NBEAL1: variants seen among roughly 807,000 people sequenced by gnomAD.
The protein encoded by NBEAL1 is neurobeachin like 1, also known as neurobeachin-like protein 1.
In NBEAL1, 273 loss-of-function variants were observed where a neutral mutation model predicts 351.3. The ratio of observed to expected loss-of-function variants is 0.78; its 90% CI spans 0.70 to 0.86. NBEAL1 has a LOEUF of 0.86. NBEAL1 is among the 40% of genes least tolerant of loss of function. The pLI, the probability that NBEAL1 is intolerant of heterozygous loss-of-function variation, is 0.00. For missense variants in NBEAL1, 2,961 were observed against 3,201.3 expected, an observed-to-expected ratio of 0.92 and a Z score of 1.81; for synonymous variants, 1,050 against 1,086.4, an observed-to-expected ratio of 0.97 and a Z score of 0.66.
intron 6 of NBEAL1, 128 bp downstream of exon 6, chr2:203,057,581 G>A: frequency 2.9e-6 from 2 of 688,932 alleles, no homozygotes; most frequent in Non-Finnish European, 4.6e-6. Context: ...TTAACTCTGA[G>A]CTAGAGAAAT....
Position 203,172,291 on chromosome 2 carries a change from C to T in NBEAL1, c.6198+268C>T, listed in dbSNP as rs12999611. Among the ~76,000 whole-genome samples the T allele has an allele frequency of 5.4e-3, 819 of 152,094 alleles. 12 individuals are homozygous for T. The highest frequency in any genetic ancestry group is 0.019 in the African/African-American group (772 of 41,488). ...ATCCCAGCACTTTGGGAAGCCAAGGCGGGTGGATCACCTGAGGTCAGGAGT... is the reference window on the plus strand; with the variant it reads ...ATCCCAGCACTTTGGGAAGCCAAGGTGGGTGGATCACCTGAGGTCAGGAGT... On this transcript the variant is annotated intron_variant, in intron 40 of 55. Coordinates refer to ENST00000683969, the MANE Select transcript of NBEAL1 (RefSeq NM_001378026.1).
chr2:203,037,890 G>A (rs2061064771), intron 2 of NBEAL1, among the ~76,000 whole-genome samples: 2 of 149,196 alleles, frequency 1.3e-5, no homozygotes, highest in South Asian at 4.2e-4. Context: ...AGGAGTTTGA[G>A]GCCATAGTGA....
intron 31 of NBEAL1, 80 bp from the exon 32 acceptor site, chr2:203,144,520 C>A: frequency 1.5e-6 from 2 of 1,352,432 alleles, no homozygotes; most frequent in Non-Finnish European, 2.0e-6. Flanking sequence ...ATTCTGAATC[C>A]ACAGAGCCAG....
At chr2:203,058,588 A>T (rs919007771) in intron 6 of NBEAL1, among the ~76,000 whole-genome samples, 3 of 152,216 alleles carry the variant, frequency 2.0e-5, no homozygotes, top group Non-Finnish European at 4.4e-5. Flanking sequence ...CAAGAGGCTC[A>T]TTCTGGGATT....
At chr2:203,059,671 A>G (rs901815069) in intron 6 of NBEAL1, among the ~76,000 whole-genome samples, 2 of 152,224 alleles carry the variant, frequency 1.3e-5, no homozygotes, top group South Asian at 4.1e-4. Context: ...GTTGTCAGTT[A>G]GTGCCGTGAC....
At chr2:203,129,703 C>T (rs62182210) in intron 24 of NBEAL1, among the ~76,000 whole-genome samples, 1 of 152,102 alleles carries the variant, frequency 6.6e-6, no homozygotes, top group South Asian at 2.1e-4. Context: ...AAGAGTATGA[C>T]AATATCTGTA....
intron 35 of NBEAL1, among the ~76,000 whole-genome samples, chr2:203,156,003 T>G (rs2063788825): frequency 1.3e-5 from 2 of 152,212 alleles, no homozygotes; most frequent in Admixed American, 1.3e-4. Context: ...TGTTTCCAGC[T>G]GCCTGTTGGG....
In NBEAL1 at chr2:203,027,067, G is replaced by GT. The variant is rs1253137368; in HGVS notation, c.51+10639dup. Among the ~76,000 whole-genome samples the GT allele has an allele frequency of 5.9e-5, 9 of 152,050 alleles. No individual in the cohort carries two copies. The East Asian group carries it at 1.7e-3, about 29-fold the overall frequency. On this transcript the variant is annotated intron_variant, in intron 2 of 55. Transcript: ENST00000683969. ...ATTTCTTTTGTGGAAATATAATTCA[G>GT]TTTTTTTGTGACAATTTTGTCCTGG...
intron 24 of NBEAL1, among the ~76,000 whole-genome samples, chr2:203,130,109 C>G (rs547741542): frequency 6.6e-6 from 1 of 152,270 alleles, no homozygotes; most frequent in Admixed American, 6.5e-5. Flanking sequence ...CTGCAGTGAG[C>G]TGTGATCACG....
intron 37 of NBEAL1, 47 bp downstream of exon 37, chr2:203,166,344 A>C (rs754750987): frequency 5.3e-6 from 8 of 1,498,578 alleles, no homozygotes; most frequent in Non-Finnish European, 7.3e-6. Flanking sequence ...ATAATTAAGT[A>C]TCTAATTTAT....
In NBEAL1 at chr2:203,144,646, A is replaced by G. The variant is rs150123071; in HGVS notation, c.4895A>G (p.Lys1632Arg). Residue 1632 changes from lysine (K) to arginine (R), a missense_variant, in exon 32 of 56, where the codon AAA becomes AGA. Transcript: ENST00000683969. ...SAKLNTLLQT[K>R]VIENQDEACY... The stretch of plus-strand genomic sequence containing the variant: ...AAGCTAAATACCCTTCTTCAGACCA[A>G]AGTGATTGAAAATCAGGATGAAGCA... 1.2e-4 allele frequency: 188 copies of G among 1,614,124 alleles called. 2 individuals carry two copies. In the East Asian group the frequency reaches 3.8e-3, roughly 33 times the overall value.
At chr2:203,168,683 C>G (rs1301307134) in intron 38 of NBEAL1, among the ~76,000 whole-genome samples, 1 of 152,034 alleles carries the variant, frequency 6.6e-6, no homozygotes, top group Non-Finnish European at 1.5e-5. Flanking sequence ...ATCACGAGGT[C>G]AAGAGTTTGA....
intron 18 of NBEAL1, among the ~76,000 whole-genome samples, chr2:203,119,602 T>A (rs1404466033): frequency 2.0e-5 from 3 of 151,820 alleles, no homozygotes; most frequent in African/African-American, 7.3e-5. Flanking sequence ...ATTTTTGTAT[T>A]TTTAGTACAG....
At chr2:203,017,764 A>T (rs968611838) in intron 2 of NBEAL1, among the ~76,000 whole-genome samples, 1 of 152,038 alleles carries the variant, frequency 6.6e-6, no homozygotes, top group African/African-American at 2.4e-5. Flanking sequence ...TTTAATATTA[A>T]AGCTTATTAA....
intron 18 of NBEAL1, among the ~76,000 whole-genome samples, chr2:203,116,860 A>G (rs962386343): frequency 3.3e-5 from 5 of 151,288 alleles, no homozygotes; most frequent in African/African-American, 1.2e-4. Context: ...CCAGCACTTT[A>G]GGAGGCTGAG....
intron 44 of NBEAL1, among the ~76,000 whole-genome samples, chr2:203,185,015 G>C (rs1479803109): frequency 6.6e-6 from 1 of 152,124 alleles, no homozygotes; most frequent in African/African-American, 2.4e-5. Context: ...GATTTTTAAA[G>C]GTAAAGTGAG....
At chr2:203,164,233 C>CA (rs891577419) in intron 36 of NBEAL1, among the ~76,000 whole-genome samples, 7 of 151,674 alleles carry the variant, frequency 4.6e-5, no homozygotes, top group African/African-American at 1.7e-4. Context: ...GCCTGGGTGT[C>CA]AGAGTGAGAC....
chr2:203,164,984 C>T (rs1255186551), intron 36 of NBEAL1, among the ~76,000 whole-genome samples: 2 of 151,836 alleles, frequency 1.3e-5, no homozygotes, highest in African/African-American at 4.8e-5. Flanking sequence ...GCCTCAGCCT[C>T]CCAAGTAGCT....
At chr2:203,042,349 G>T (rs1055423766) in intron 3 of NBEAL1, among the ~76,000 whole-genome samples, 3 of 152,192 alleles carry the variant, frequency 2.0e-5, no homozygotes, top group Non-Finnish European at 4.4e-5. Flanking sequence ...ATAGGACAAG[G>T]TGTGGAAGGG....
Sources: gnomAD v4.1 joint callset for allele counts (sites outside exome capture counted in the v4.1 genomes callset) on GRCh38, gnomAD v4.1.1 for gene constraint, MANE v1.5 for transcripts, NCBI Gene and HGNC (gene_info 2026-07-23, HGNC 2026-07-21) for gene names.